Variants in DIP2C observed in about 807,000 individuals in gnomAD.
The protein encoded by DIP2C is DIP2 acetate--CoA ligase C (putative).
DIP2C carries 33 observed loss-of-function variants against 192.4 expected under a neutral mutation model. The observed-to-expected ratio is 0.17, with a 90% confidence interval of 0.13 to 0.23. The LOEUF (loss-of-function observed/expected upper bound fraction) is 0.23, where lower values mean the gene tolerates loss of function less well. DIP2C is among the 10% of genes least tolerant of loss of function. The pLI, the probability that DIP2C is intolerant of heterozygous loss-of-function variation, is 1.00. For synonymous variants in DIP2C, 979 were observed against 864.1 expected (o/e 1.13, Z -2.33); for missense variants, 1,537 against 2,110.1 (o/e 0.73, Z 5.32).
At chr10:543,663 T>C (rs1373168993) in intron 1 of DIP2C, among the ~76,000 whole-genome samples, 1 of 152,256 alleles carries the variant, frequency 6.6e-6, no homozygotes, top group African/African-American at 2.4e-5. Flanking sequence ...TCTGGGGACA[T>C]GAGTTACATA....
At chr10:289,564 G>T (rs1955369685) in intron 32 of DIP2C, among the ~76,000 whole-genome samples, 1 of 152,110 alleles carries the variant, frequency 6.6e-6, no homozygotes, top group Non-Finnish European at 1.5e-5. Flanking sequence ...ACCATGCCCA[G>T]CCCTCACTGA....
intron 1 of DIP2C, among the ~76,000 whole-genome samples, chr10:562,562 G>A (rs1849279110): frequency 1.3e-5 from 2 of 152,136 alleles, no homozygotes; most frequent in East Asian, 1.9e-4. Context: ...GCACACGGAT[G>A]GTCGTAATTT....
At chr10:434,200 T>C (rs967631713) in intron 4 of DIP2C, among the ~76,000 whole-genome samples, 3 of 152,350 alleles carry the variant, frequency 2.0e-5, no homozygotes, top group Middle Eastern at 3.4e-3. Context: ...TCAAATACAC[T>C]GTCGCTATTA....
At position 454,346 on chromosome 10, in the gene DIP2C, A is replaced by G. The variant is rs58691355; in HGVS notation, c.269-13350T>C. ...TAAAATACATTTAACAGCGTTTCTT[A>G]AAGTACTAAAAAGGGATAAAATACT... On this transcript the variant is annotated intron_variant, in intron 3 of 36. Coordinates refer to ENST00000280886, the MANE Select transcript of DIP2C (RefSeq NM_014974.3). 6.6e-3 allele frequency among the ~76,000 whole-genome samples: 998 copies of G among 152,356 alleles called. 11 individuals are homozygous for G. The highest frequency in any genetic ancestry group is 0.023 in the African/African-American group (952 of 41,574).
At chr10:609,619 G>C (rs565776173) in intron 1 of DIP2C, among the ~76,000 whole-genome samples, 3 of 152,240 alleles carry the variant, frequency 2.0e-5, no homozygotes, top group Admixed American at 6.5e-5. Flanking sequence ...CTCTTTCCTT[G>C]ATGTGATTTA....
At chr10:579,037 C>A (rs1031335057) in intron 1 of DIP2C, among the ~76,000 whole-genome samples, 2 of 151,758 alleles carry the variant, frequency 1.3e-5, no homozygotes, top group Non-Finnish European at 2.9e-5. Flanking sequence ...ACATCCAGAC[C>A]CAGTGTACAA....
intron 34 of DIP2C, 84 bp downstream of exon 34, chr10:286,189 A>G: frequency 8.0e-7 from 1 of 1,257,312 alleles, no homozygotes. Context: ...GATGGAGGGC[A>G]TGTGAGCAGT....
intron 18 of DIP2C, among the ~76,000 whole-genome samples, chr10:367,124 G>A (rs532493112): frequency 6.6e-6 from 1 of 152,358 alleles, no homozygotes; most frequent in South Asian, 2.1e-4. Context: ...CAGGAAGAAA[G>A]ATTCACATTA....
intron 31 of DIP2C, among the ~76,000 whole-genome samples, chr10:317,125 T>C (rs1391271584): frequency 2.6e-5 from 4 of 152,232 alleles, no homozygotes; most frequent in Admixed American, 6.5e-5. Flanking sequence ...GTTTCTATGG[T>C]TGGCATCAAA....
rs1250091549 is a variant in DIP2C, at chr10:458,545, G to A, written c.268+13894C>T. Among the ~76,000 whole-genome samples the A allele has an allele frequency of 4.0e-5, 6 of 149,004 alleles. No individual in the cohort carries two copies. In the South Asian group the frequency reaches 8.5e-4, roughly 21 times the overall value. On this transcript the variant is annotated intron_variant, in intron 3 of 36. Coordinates refer to ENST00000280886, the MANE Select transcript of DIP2C (RefSeq NM_014974.3). ...ATGCCCTCTACATTCCTGCGTCACC[G>A]GCAGCGTGTGACGGAGTGCTCAGAA...
rs77133160 is a variant in DIP2C at position 418,038 on chromosome 10, T to G, written c.739+1027A>C. Among the ~76,000 whole-genome samples, 12 of 12,440 alleles carry G rather than the reference T, an allele frequency of 9.6e-4. 1 individual carries two copies. The highest frequency in any genetic ancestry group is 2.0e-3 in the Non-Finnish European group (9 of 4,602). 8.2% of individuals were successfully genotyped at this position (12,440 alleles called of 152,430 possible). ...CGGACAGGCCTCCCTGTCCACCTGTTCCTGTCAGGGCTTCGATAGGCCTCC... is the reference window on the plus strand; with the variant it reads ...CGGACAGGCCTCCCTGTCCACCTGTGCCTGTCAGGGCTTCGATAGGCCTCC... On this transcript the variant is annotated intron_variant, in intron 6 of 36. Transcript: ENST00000280886.
At chr10:406,707 C>T (rs1334329585) in intron 9 of DIP2C, among the ~76,000 whole-genome samples, 1 of 152,204 alleles carries the variant, frequency 6.6e-6, no homozygotes, top group East Asian at 1.9e-4. Context: ...GTAGGACTAA[C>T]AAATTAGCTA....
At chr10:384,422 G>C in intron 15 of DIP2C, 124 bp downstream of exon 15, 2 of 1,012,220 alleles carry the variant, frequency 2.0e-6, no homozygotes, top group South Asian at 3.0e-5. Context: ...ATTATTAGTA[G>C]AAACGGGGTT....
At chr10:660,035 G>C (rs569945837) in intron 1 of DIP2C, among the ~76,000 whole-genome samples, 13 of 152,372 alleles carry the variant, frequency 8.5e-5, no homozygotes, top group African/African-American at 2.9e-4. Context: ...AATGTCAAGA[G>C]GCCTAGGTTC....
chr10:460,212 G>T (rs1377293001), intron 3 of DIP2C, among the ~76,000 whole-genome samples: 1 of 152,016 alleles, frequency 6.6e-6, no homozygotes, highest in Non-Finnish European at 1.5e-5. Context: ...AAGTCTCCAG[G>T]TTTTCTTTTC....
intron 1 of DIP2C, among the ~76,000 whole-genome samples, chr10:502,460 G>T (rs1252949011): frequency 6.6e-6 from 1 of 152,122 alleles, no homozygotes; most frequent in Non-Finnish European, 1.5e-5. Flanking sequence ...AAAAAAGTAA[G>T]GTCTCAGGTC....
chr10:477,595 AGGGAGGAAGGTGGATGGGT>A (rs796216276), intron 2 of DIP2C, among the ~76,000 whole-genome samples: 378 of 4,470 alleles, frequency 0.085, 27 homozygotes, highest in African/African-American at 0.12. Flanking sequence ...GGAGATGGGG[AGGGAGGAAGGTGGATGGGT>A]GGGAGGAAGG....
chr10:666,594 CGTGG>C lies in DIP2C; in HGVS notation c.85+22896_85+22899del, dbSNP rs1247896052. The C allele has an allele frequency of 2.5e-3, 3 of 1,204 alleles. No individual in the cohort carries two copies. The Non-Finnish European group carries it at 0.025, about 10-fold the overall frequency. The allele number at this position is 1,204 out of a possible 1,614,324, so 0.1% of individuals were successfully genotyped here. A position where few individuals can be genotyped will look rare whatever the true frequency, so the allele number is the denominator to read the frequency against. ...GGTAAGCAAAGCCACGAGGTCGGCC[CGTGG>C]CCTGTCTGCCCGTGGCCTGTCTGCC... On this transcript the variant is annotated intron_variant, in intron 1 of 36. Transcript: ENST00000280886. This position sits in a 1 kb window ranked among gnomAD's most constrained non-coding sequence, Gnocchi z 4.1.
intron 2 of DIP2C, among the ~76,000 whole-genome samples, chr10:482,894 G>A (rs1265588770): frequency 6.6e-6 from 1 of 152,238 alleles, no homozygotes; most frequent in African/African-American, 2.4e-5. Context: ...TGAGAGCGAA[G>A]TGGGCAGCTT....
Sources: allele counts gnomAD v4.1 joint callset (sites outside exome capture counted in the v4.1 genomes callset), GRCh38; gene constraint gnomAD v4.1.1; non-coding constraint Gnocchi (gnomAD v3.1); transcripts MANE v1.5; gene names NCBI Gene and HGNC (gene_info 2026-07-23, HGNC 2026-07-21).